Variants in ISOC2 observed in about 807,000 individuals in gnomAD.
ISOC2 encodes the protein isochorismatase domain containing 2.
ISOC2 carries 15 observed loss-of-function variants against 19.3 expected under a neutral mutation model. The ratio of observed to expected loss-of-function variants is 0.78; its 90% confidence interval spans 0.52 to 1.20. The LOEUF (loss-of-function observed/expected upper bound fraction) is 1.20. Ranked by LOEUF, ISOC2 falls within the 50% of genes most tolerant of loss-of-function variation. ISOC2 has a pLI of 0.00. For missense variants in ISOC2, 285 were observed against 272.4 expected (o/e 1.05, Z -0.33); for synonymous variants, 106 against 115.8 (o/e 0.92, Z 0.54).
chr19:55,454,734 C>G (rs551307235), intron 5 of ISOC2: 1 of 545,356 alleles, frequency 1.8e-6, no homozygotes, highest in African/African-American at 1.9e-5. Context: ...CCAGACCCTC[C>G]AATACAAACC....
chr19:55,460,794 A>G (rs939329352), intron 1 of ISOC2, among the ~76,000 whole-genome samples: 2 of 152,388 alleles, frequency 1.3e-5, no homozygotes, highest in Admixed American at 1.3e-4. Context: ...AGATGGCTTC[A>G]GGCCCCCGCC....
intron 1 of ISOC2, 40 bp from the exon 2 acceptor site, chr19:55,456,529 C>A (rs1986068726): frequency 6.2e-7 from 1 of 1,606,160 alleles, no homozygotes; most frequent in African/African-American, 1.3e-5. Flanking sequence ...GGCCCGAGGG[C>A]TCCTCTCAGT....
In ISOC2 at chr19:55,453,276, A is replaced by T. The variant is rs1193678157; in HGVS notation, c.*32T>A. ...CTTCCACTGAGGTCCGGGTGACAGG[A>T]GGGTGGTCTTCCCTCAAGGCAGGGT... On this transcript the variant is annotated 3_prime_UTR_variant, in exon 6 of 6. Coordinates refer to ENST00000425675, the MANE Select transcript of ISOC2 (RefSeq NM_001136201.2). 8.5e-6 allele frequency: 13 copies of T among 1,528,612 alleles called. No individual in the cohort carries two copies. Among genetic ancestry groups the T allele is most frequent in the Non-Finnish European group, 1.2e-5 (13 of 1,117,162 alleles). The allele number at this position is 1,528,612 out of a possible 1,614,324, so 94.7% of individuals were successfully genotyped here. A position where few individuals can be genotyped will look rare whatever the true frequency, so the allele number is the denominator to read the frequency against.
At chr19:55,458,059 T>TAA (rs11376226) in intron 1 of ISOC2, among the ~76,000 whole-genome samples, 41 of 142,172 alleles carry the variant, frequency 2.9e-4, no homozygotes, top group East Asian at 6.1e-4. Context: ...TTACCACAAT[T>TAA]AAAAAAAAAA....
chr19:55,457,922 T>G (rs8104117), intron 1 of ISOC2, among the ~76,000 whole-genome samples: 4,560 of 151,368 alleles, frequency 0.03, 220 homozygotes, highest in African/African-American at 0.1. Context: ...GGGGGTGTAG[T>G]TTTCAGTTTG....
rs772481851 is a variant in ISOC2, at chr19:55,455,859, G to A, written c.139-14C>T. The A allele has an allele frequency of 8.6e-5, 130 of 1,513,458 alleles. No individual in the cohort carries two copies. Among genetic ancestry groups the A allele is most frequent in the Non-Finnish European group, 1.1e-4 (125 of 1,124,808 alleles). 93.8% of individuals were successfully genotyped at this position (1,513,458 alleles called of 1,614,324 possible). A position where few individuals can be genotyped will look rare whatever the true frequency, so the allele number is the denominator to read the frequency against. On this transcript the variant is annotated splice_polypyrimidine_tract_variant and intron_variant, in intron 2 of 5. Transcript: ENST00000425675. ...CAGCCGGGCCACCTGTGCCAGTGAT[G>A]GGGAAGAAAGGTCAGGGTCTGAGGG...
intron 1 of ISOC2, among the ~76,000 whole-genome samples, chr19:55,457,594 C>T (rs905079591): frequency 2.7e-5 from 4 of 150,918 alleles, no homozygotes; most frequent in African/African-American, 4.9e-5. Context: ...TTTGGGAGGC[C>T]GAGGCGGGCG....
chr19:55,458,873 T>C (rs1025693980), intron 1 of ISOC2, among the ~76,000 whole-genome samples: 1 of 151,892 alleles, frequency 6.6e-6, no homozygotes, highest in Non-Finnish European at 1.5e-5. Context: ...CTGTTGTTCC[T>C]TGTCTTTCTT....
At position 55,455,352 on chromosome 19, in the gene ISOC2, G is replaced by A. The variant is rs148146467; in HGVS notation, c.349-22C>T. On this transcript the variant is annotated intron_variant, in intron 3 of 5. Transcript: ENST00000425675. The stretch of plus-strand genomic sequence containing the variant: ...TGTTCTGTGGGTAGAGAGAGGTCAG[G>A]GCCAACCCCGGATAAGAACGGGGGT... 7.2e-5 allele frequency: 116 copies of A among 1,614,052 alleles called. No individual in the cohort carries two copies. In the African/African-American group the frequency reaches 1.4e-3, roughly 19 times the overall value.
chr19:55,458,665 T>C (rs1205099325), intron 1 of ISOC2, among the ~76,000 whole-genome samples: 1 of 151,702 alleles, frequency 6.6e-6, no homozygotes, highest in African/African-American at 2.4e-5. Context: ...GTAGCTGGGA[T>C]TACAGGCTTG....
chr19:55,456,209 G>A (rs1484323222), intron 2 of ISOC2, 140 bp downstream of exon 2: 1 of 587,116 alleles, frequency 1.7e-6, no homozygotes, highest in Non-Finnish European at 3.0e-6. Context: ...GGAGGGCTGA[G>A]CCTGGATCCT....
chr19:55,453,122 T>C lies in ISOC2; in HGVS notation c.*186A>G. On this transcript the variant is annotated 3_prime_UTR_variant, in exon 6 of 6. Coordinates refer to ENST00000425675, the MANE Select transcript of ISOC2 (RefSeq NM_001136201.2). ...TGGCTCAGCCAATTCCCACCCAGTT[T>C]CCAGGAGTCTCATTTGCATTTCCGG... 1.9e-6 allele frequency: 1 copy of C among 529,482 alleles called. No homozygotes were observed. Among genetic ancestry groups the C allele is most frequent in the Non-Finnish European group, 3.4e-6 (1 of 297,496 alleles). 32.8% of individuals were successfully genotyped at this position (529,482 alleles called of 1,614,324 possible).
intron 5 of ISOC2, chr19:55,454,115 G>C (rs1156784155): frequency 6.5e-6 from 1 of 152,790 alleles, no homozygotes; most frequent in Non-Finnish European, 1.5e-5. Flanking sequence ...CGTGAAGACA[G>C]GCTGCTGGCT....
chr19:55,459,400 C>T (rs569572046), intron 1 of ISOC2, among the ~76,000 whole-genome samples: 1 of 152,248 alleles, frequency 6.6e-6, no homozygotes, highest in Non-Finnish European at 1.5e-5. Flanking sequence ...AACAAAACCA[C>T]AGTGAATTAA....
In ISOC2 at chr19:55,456,503, G is replaced by C; in HGVS notation, c.-3-14C>G. 6.2e-7 allele frequency: 1 copy of C among 1,613,252 alleles called. No homozygotes were observed. Among genetic ancestry groups the C allele is most frequent in the African/African-American group, 1.3e-5 (1 of 75,016 alleles). Reference sequence around the variant, plus strand: ...AGCCGCCATTTTCTGGGGGTGGGCAGAGGGACGGTGGGTCAGGCCCGAGGG... The same window carrying C: ...AGCCGCCATTTTCTGGGGGTGGGCACAGGGACGGTGGGTCAGGCCCGAGGG... On this transcript the variant is annotated splice_polypyrimidine_tract_variant and intron_variant, in intron 1 of 5. Transcript: ENST00000425675.
intron 3 of ISOC2, 107 bp downstream of exon 3, chr19:55,455,529 G>A (rs1223109551): frequency 5.1e-6 from 4 of 789,040 alleles, no homozygotes; most frequent in Non-Finnish European, 7.2e-6. Flanking sequence ...AGGTCAGGAT[G>A]GGGGTCCTGC....
intron 1 of ISOC2, 103 bp from the exon 2 acceptor site, chr19:55,456,592 C>A: frequency 4.1e-6 from 6 of 1,448,782 alleles, no homozygotes; most frequent in South Asian, 1.3e-5. Context: ...GGGCCCGGGG[C>A]ACCTTGCCAA....
At chr19:55,453,458 G>C (rs551846014) in intron 5 of ISOC2, 70 bp from the exon 6 acceptor site, 2 of 1,095,530 alleles carry the variant, frequency 1.8e-6, no homozygotes, top group Non-Finnish European at 1.3e-6. Context: ...CAAATCTGAG[G>C]GACACCTCTC....
chr19:55,460,830 C>T (rs1178626353), intron 1 of ISOC2, among the ~76,000 whole-genome samples: 1 of 152,192 alleles, frequency 6.6e-6, no homozygotes, highest in Non-Finnish European at 1.5e-5. Flanking sequence ...AGGCAAAAGG[C>T]CAGAGAGCAG....
Sources: allele counts gnomAD v4.1 joint callset (sites outside exome capture counted in the v4.1 genomes callset), GRCh38; gene constraint gnomAD v4.1.1; transcripts MANE v1.5; gene names NCBI Gene and HGNC (gene_info 2026-07-23, HGNC 2026-07-21).